The following TMCO5A variants were observed in gnomAD, a reference collection of about 807,000 sequenced individuals.
TMCO5A encodes the protein transmembrane and coiled-coil domains 5A, also known as transmembrane and coiled-coil domain-containing protein 5A.
In TMCO5A, 34 loss-of-function variants were observed where a neutral mutation model predicts 42.3. The ratio of observed to expected loss-of-function variants is 0.80; its 90% CI spans 0.61 to 1.07. TMCO5A has a LOEUF of 1.07. TMCO5A is among the 50% of genes least tolerant of loss of function. The pLI, the probability that TMCO5A is intolerant of heterozygous loss-of-function variation, is 0.00. For missense variants in TMCO5A, 357 were observed against 327.9 expected (o/e 1.09, Z -0.69); for synonymous variants, 131 against 115.6 (o/e 1.13, Z -0.86).
the TMCO5A span, among the ~76,000 whole-genome samples, chr15:38,001,395 G>A: frequency 2.0e-5 from 3 of 149,688 alleles, no homozygotes; most frequent in African/African-American, 7.3e-5. Context: ...TCACTTTACA[G>A]GTGATGAGTG....
At chr15:38,008,252 G>A in the TMCO5A span, among the ~76,000 whole-genome samples, 3 of 152,192 alleles carry the variant, frequency 2.0e-5, no homozygotes, top group African/African-American at 7.2e-5. Context: ...CCAGATTGCT[G>A]AAGAAATTCG....
chr15:38,006,965 T>C, the TMCO5A span, among the ~76,000 whole-genome samples: 5 of 152,016 alleles, frequency 3.3e-5, no homozygotes, highest in East Asian at 9.6e-4. Flanking sequence ...CTGTAGACAA[T>C]GGATTAAAAA....
chr15:38,027,629 T>A, the TMCO5A span, among the ~76,000 whole-genome samples: 324 of 152,050 alleles, frequency 2.1e-3, no homozygotes, highest in Non-Finnish European at 3.9e-3. Flanking sequence ...GGACATGAGA[T>A]TTGGGTGGGG....
At chr15:38,031,959 C>CTT in the TMCO5A span, among the ~76,000 whole-genome samples, 4 of 142,216 alleles carry the variant, frequency 2.8e-5, no homozygotes, top group African/African-American at 7.7e-5. Context: ...AGGACAATTG[C>CTT]TTTTTTTTTT....
chr15:37,937,920 C>T (rs370890896), intron 5 of TMCO5A, among the ~76,000 whole-genome samples: 26 of 152,068 alleles, frequency 1.7e-4, no homozygotes, highest in South Asian at 1.7e-3. Context: ...TAACCCAGTG[C>T]GAATTAGGGG....
intron 5 of TMCO5A, 51 bp from the exon 6 acceptor site, chr15:37,938,107 C>G: frequency 6.8e-7 from 1 of 1,463,974 alleles, no homozygotes; most frequent in Non-Finnish European, 9.4e-7. Context: ...CAGAGAAAGT[C>G]TTTGCCTTCT....
Position 37,951,146 on chromosome 15 carries a change from A to G in TMCO5A, c.779A>G (p.Lys260Arg), listed in dbSNP as rs1384367771. 7 of 1,613,584 alleles carry G rather than the reference A, an allele frequency of 4.3e-6. No homozygotes were observed. The highest frequency in any genetic ancestry group is 5.9e-6 in the Non-Finnish European group (7 of 1,179,626). Residue 260 changes from lysine (K) to arginine (R), a missense_variant, in exon 12 of 12, where the codon AAG (lysine) becomes AGG (arginine). Coordinates refer to ENST00000319669, the MANE Select transcript of TMCO5A (RefSeq NM_152453.4). ...NPDLLVNVLP[K>R]VLGRSTLWKL... ...GATCTCCTCGTCAATGTACTGCCCA[A>G]GGTACTGGGCAGGAGCACCTTGTGG...
chr15:38,013,356 C>T, the TMCO5A span, among the ~76,000 whole-genome samples: 1 of 152,078 alleles, frequency 6.6e-6, no homozygotes, highest in Non-Finnish European at 1.5e-5. Flanking sequence ...AAGTCCCTCC[C>T]CCCCTCTAGT....
Position 37,942,204 on chromosome 15 carries a change from C to T in TMCO5A, c.518C>T (p.Thr173Met), listed in dbSNP as rs780536640. ...TTCTCTTTGAAGAAGTACCAGGAAA[C>T]GTTGAAGAAAATAGAAGAAGAACTA... Reference protein sequence around the residue: ...QALYIKKYQETLKKIEEELEA... With the variant: ...QALYIKKYQEMLKKIEEELEA... The change falls in exon 9 of 12, where the codon ACG becomes ATG. Residue 173 changes from threonine to methionine, a missense_variant. Coordinates refer to ENST00000319669, the MANE Select transcript of TMCO5A (RefSeq NM_152453.4). The T allele has an allele frequency of 9.5e-5, 153 of 1,612,438 alleles. No homozygotes were observed. Among genetic ancestry groups the T allele is most frequent in the Non-Finnish European group, 7.6e-5 (90 of 1,179,126 alleles).
chr15:37,941,772 G>T, intron 8 of TMCO5A, 42 bp downstream of exon 8: 3 of 1,508,590 alleles, frequency 2.0e-6, no homozygotes, highest in Non-Finnish European at 1.8e-6. Flanking sequence ...GTTTATTAAG[G>T]TACAGGATGA....
At chr15:38,032,926 CTTTTTT>C in the TMCO5A span, among the ~76,000 whole-genome samples, 1 of 100,156 alleles carries the variant, frequency 1.0e-5, no homozygotes. Flanking sequence ...AATTTGGTCT[CTTTTTT>C]TTTTTTTTTT....
the TMCO5A span, among the ~76,000 whole-genome samples, chr15:38,007,253 G>T: frequency 6.6e-6 from 1 of 152,228 alleles, no homozygotes; most frequent in African/African-American, 2.4e-5. Context: ...AACACTCCAG[G>T]TCTTTATTTC....
At chr15:37,974,588 G>A in the TMCO5A span, among the ~76,000 whole-genome samples, 2 of 152,120 alleles carry the variant, frequency 1.3e-5, no homozygotes, top group South Asian at 4.1e-4. Context: ...ATTTCTGTGG[G>A]TTGGTGGTAA....
At chr15:37,998,897 TTTTTG>T in the TMCO5A span, among the ~76,000 whole-genome samples, 4 of 152,052 alleles carry the variant, frequency 2.6e-5, no homozygotes, top group African/African-American at 9.7e-5. Flanking sequence ...TAGTTTTCTT[TTTTTG>T]TTGTTGTTGT....
chr15:38,005,872 C>T, the TMCO5A span, among the ~76,000 whole-genome samples: 3 of 152,222 alleles, frequency 2.0e-5, no homozygotes, highest in Non-Finnish European at 4.4e-5. Context: ...CTTTCTTTCT[C>T]ACAGTTCATG....
intron 6 of TMCO5A, 54 bp from the exon 7 acceptor site, chr15:37,941,095 A>G (rs1889722605): frequency 1.9e-6 from 3 of 1,576,072 alleles, no homozygotes; most frequent in Non-Finnish European, 1.7e-6. Flanking sequence ...ACAGCATTCC[A>G]TTCCTGCACA....
chr15:38,019,971 T>G, the TMCO5A span, among the ~76,000 whole-genome samples: 1 of 151,612 alleles, frequency 6.6e-6, no homozygotes, highest in Non-Finnish European at 1.5e-5. Flanking sequence ...GAGGTTTTTT[T>G]TTTTGATAAA....
the TMCO5A span, among the ~76,000 whole-genome samples, chr15:37,987,205 T>G: frequency 1.3e-5 from 2 of 152,206 alleles, no homozygotes; most frequent in South Asian, 4.1e-4. Context: ...GTTTATATCG[T>G]CTTTGAAGCA....
chr15:37,941,053 G>A, intron 6 of TMCO5A, 96 bp from the exon 7 acceptor site: 1 of 1,119,468 alleles, frequency 8.9e-7, no homozygotes. Flanking sequence ...ATGGCCCTGA[G>A]GCTCCTCACA....
Sources: allele counts gnomAD v4.1 joint callset (sites outside exome capture counted in the v4.1 genomes callset), GRCh38; gene constraint gnomAD v4.1.1; transcripts MANE v1.5; gene names NCBI Gene and HGNC (gene_info 2026-07-23, HGNC 2026-07-21).